The following CROCC2 variants were observed in gnomAD, a reference collection of about 807,000 sequenced individuals.
CROCC2 encodes ciliary rootlet coiled-coil, rootletin family member 2.
CROCC2 carries 163 observed loss-of-function variants against 177.6 expected under a neutral mutation model. The ratio of observed to expected loss-of-function variants is 0.92; its 90% confidence interval spans 0.81 to 1.05. CROCC2 has a LOEUF of 1.05. Ranked by LOEUF, CROCC2 falls within the 50% of genes least tolerant of loss-of-function variation. The pLI is 0.00. For missense variants in CROCC2, 1,929 were observed against 1,797.8 expected, an observed-to-expected ratio of 1.07 and a Z score of -1.32; for synonymous variants, 904 against 787.3, an observed-to-expected ratio of 1.15 and a Z score of -2.48.
Position 240,934,954 on chromosome 2 carries a change from G to A in CROCC2, c.1830G>A (p.Arg610=). 6.6e-7 allele frequency: 1 copy of A among 1,519,738 alleles called. No homozygotes were observed. Among genetic ancestry groups the A allele is most frequent in the East Asian group, 2.6e-5 (1 of 38,476 alleles). The allele number at this position is 1,519,738 out of a possible 1,614,324, so 94.1% of individuals were successfully genotyped here. A position where few individuals can be genotyped will look rare whatever the true frequency, so the allele number is the denominator to read the frequency against. Residue 610 remains arginine (R), a synonymous_variant, in exon 13 of 32, where the codon AGG becomes AGA. Coordinates refer to ENST00000690015, the MANE Select transcript of CROCC2 (RefSeq NM_001351305.2). ...ATGCGGACCTGGAGCTTCTTGTGAG[G>A]CGGCTGAAGTCGGAGGGAGTGGAGC... The part of the protein sequence containing the change: ...CSNADLELLV[R]RLKSEGVEQR...
chr2:240,975,674 C>T (rs1291017318), intron 27 of CROCC2, among the ~76,000 whole-genome samples: 2 of 149,656 alleles, frequency 1.3e-5, no homozygotes, highest in African/African-American at 2.5e-5. Context: ...TCATTTGTAA[C>T]AGCTTCCCTG....
intron 20 of CROCC2, among the ~76,000 whole-genome samples, chr2:240,959,970 T>C: frequency 6.6e-6 from 1 of 152,174 alleles, no homozygotes; most frequent in Non-Finnish European, 1.5e-5. Context: ...AGGGCCAGCA[T>C]GTGAAAGGGT....
At chr2:240,925,022 C>CT (rs2059386842) in intron 4 of CROCC2, among the ~76,000 whole-genome samples, 1 of 136,126 alleles carries the variant, frequency 7.3e-6, no homozygotes, top group Admixed American at 8.0e-5. Flanking sequence ...ACCCAGCCCC[C>CT]ACATTAACCC....
chr2:240,939,312 AT>A (rs1392319538), intron 14 of CROCC2, among the ~76,000 whole-genome samples: 1 of 152,094 alleles, frequency 6.6e-6, no homozygotes, highest in East Asian at 1.9e-4. Flanking sequence ...ACACTGATTA[AT>A]TTTTTAGATG....
rs547225878 is a variant in CROCC2 at position 240,965,988 on chromosome 2, C to T, written c.3956C>T (p.Thr1319Ile). 25 of 1,367,630 alleles carry T rather than the reference C, an allele frequency of 1.8e-5. No homozygotes were observed. The highest frequency in any genetic ancestry group is 5.7e-5 in the East Asian group (2 of 35,336). 84.7% of individuals were successfully genotyped at this position (1,367,630 alleles called of 1,614,324 possible). Reference sequence around the variant, plus strand: ...TCCCCGGAGCAGCCTGGTTCCCCCACCAAAGGTCAGAGTCCTCAGTGGAGG... The same window carrying T: ...TCCCCGGAGCAGCCTGGTTCCCCCATCAAAGGTCAGAGTCCTCAGTGGAGG... ...WASPEQPGSPTKGSDSSQALP... is the reference protein window; with the variant it reads ...WASPEQPGSPIKGSDSSQALP... The change falls in exon 24 of 32, where the codon ACC becomes ATC. Residue 1319 changes from threonine to isoleucine, a missense_variant. Physicochemically the swap from Thr to Ile is moderately conservative, Grantham distance 89 (BLOSUM62 -1). Around this residue, in one of 3 missense-constraint regions of CROCC2, gnomAD observed 388 missense variants for 352.7 expected, o/e 1.10. Coordinates refer to ENST00000690015, the MANE Select transcript of CROCC2 (RefSeq NM_001351305.2).
At chr2:240,932,574 T>A in intron 8 of CROCC2, 128 bp from the exon 9 acceptor site, 3 of 689,912 alleles carry the variant, frequency 4.3e-6, no homozygotes, top group Non-Finnish European at 8.1e-6. Context: ...GTGTGGCCCC[T>A]CGCCTGTCCT....
At chr2:240,936,517 T>C (rs920225656) in intron 14 of CROCC2, among the ~76,000 whole-genome samples, 5 of 152,240 alleles carry the variant, frequency 3.3e-5, no homozygotes, top group Non-Finnish European at 7.3e-5. Context: ...AGTGTATCAC[T>C]AAGCCCTTTC....
chr2:240,990,084 T>C (rs2059867751), intron 30 of CROCC2, among the ~76,000 whole-genome samples: 2 of 152,212 alleles, frequency 1.3e-5, no homozygotes, highest in South Asian at 4.1e-4. Context: ...TGAGCCTCCA[T>C]TGCCCTGTCT....
rs902654746 is a variant in CROCC2, at chr2:240,968,245, G to C, written c.4384G>C (p.Glu1462Gln). The C allele has an allele frequency of 1.3e-6, 2 of 1,531,206 alleles. No individual in the cohort carries two copies. Among genetic ancestry groups the C allele is most frequent in the Non-Finnish European group, 1.7e-6 (2 of 1,144,580 alleles). The allele number at this position is 1,531,206 out of a possible 1,614,324, so 94.9% of individuals were successfully genotyped here. A position where few individuals can be genotyped will look rare whatever the true frequency, so the allele number is the denominator to read the frequency against. The change falls in exon 27 of 32, where the codon GAG (glutamate) becomes CAG (glutamine). Residue 1462 changes from glutamate (E) to glutamine (Q), a missense_variant. Glu to Gln is a conservative substitution (Grantham distance 29). Transcript: ENST00000690015. ...HLASVRAAGQ[E>Q]KRRLQEQLET... is the part of the protein sequence containing the mutation. ...GGCGAGCGTGCGTGCGGCAGGCCAG[G>C]AGAAGCGGCGGCTGCAGGTGGGGCA...
At chr2:240,913,287 C>G (rs1488774292) in intron 1 of CROCC2, among the ~76,000 whole-genome samples, 1 of 152,096 alleles carries the variant, frequency 6.6e-6, no homozygotes, top group African/African-American at 2.4e-5. Flanking sequence ...CAGCTCCCTC[C>G]ACATGGACAC....
At position 240,985,757 on chromosome 2, in the gene CROCC2, C is replaced by CCA. The variant is rs1200790263; in HGVS notation, c.4551+2736_4551+2737dup. 1.2e-4 allele frequency: 35 copies of CCA among 299,384 alleles called. 1 individual carries two copies. Among genetic ancestry groups the CCA allele is most frequent in the Non-Finnish European group, 1.4e-4 (22 of 153,172 alleles). 18.5% of individuals were successfully genotyped at this position (299,384 alleles called of 1,614,324 possible). A position where few individuals can be genotyped will look rare whatever the true frequency, so the allele number is the denominator to read the frequency against. On this transcript the variant is annotated intron_variant, in intron 28 of 31. Transcript: ENST00000690015. ...CCACACACACACCCAGGCACTCACT[C>CCA]CACACACACCCAGGCACTCAGCACA... is the stretch of plus-strand genomic sequence containing the variant.
chr2:240,971,366 C>G (rs769168230), intron 27 of CROCC2, among the ~76,000 whole-genome samples: 1 of 152,216 alleles, frequency 6.6e-6, no homozygotes, highest in African/African-American at 2.4e-5. Context: ...CAACATGTTA[C>G]CAGCTTTGGT....
chr2:240,934,930 T>A lies in CROCC2; in HGVS notation c.1806T>A (p.Asn602Lys), dbSNP rs1165926890. Residue 602 changes from asparagine to lysine, a missense_variant, in exon 13 of 32, where the codon AAT (asparagine) becomes AAA (lysine). Asn to Lys is a moderately conservative substitution (Grantham distance 94). Around this residue, in one of 3 missense-constraint regions of CROCC2, gnomAD observed 1,397 missense variants for 1,239.9 expected, o/e 1.13. Coordinates refer to ENST00000690015, the MANE Select transcript of CROCC2 (RefSeq NM_001351305.2). ...CCCTGCCCCAGGCCGAGTGCAGCAATGCGGACCTGGAGCTTCTTGTGAGGC... is the reference window on the plus strand; with the variant it reads ...CCCTGCCCCAGGCCGAGTGCAGCAAAGCGGACCTGGAGCTTCTTGTGAGGC... ...RSALARAECSNADLELLVRRL... is the reference protein window; with the variant it reads ...RSALARAECSKADLELLVRRL... 1.3e-6 allele frequency: 2 copies of A among 1,520,240 alleles called. No homozygotes were observed. Among genetic ancestry groups the A allele is most frequent in the Admixed American group, 4.3e-5 (2 of 46,580 alleles). 94.2% of individuals were successfully genotyped at this position (1,520,240 alleles called of 1,614,324 possible).
In CROCC2 at chr2:240,992,265, G is replaced by A. The variant is rs565319496; in HGVS notation, c.4947-801G>A. On this transcript the variant is annotated intron_variant, in intron 31 of 31. Coordinates refer to ENST00000690015, the MANE Select transcript of CROCC2 (RefSeq NM_001351305.2). The stretch of plus-strand genomic sequence containing the variant: ...TATCTGTGGGGCACCAGCCAGCCCA[G>A]TGAATCCCTGCATGTGCCACAGGGG... Among the ~76,000 whole-genome samples, 4 of 152,308 alleles carry A rather than the reference G, an allele frequency of 2.6e-5. No homozygotes were observed. In the East Asian group the frequency reaches 5.8e-4, roughly 22 times the overall value.
intron 4 of CROCC2, 49 bp downstream of exon 4, chr2:240,922,694 C>T: frequency 1.9e-6 from 1 of 525,770 alleles, no homozygotes; most frequent in Non-Finnish European, 3.4e-6. Context: ...ACAGCCATCC[C>T]CCCGAGAGGC....
At chr2:240,934,863 G>A (rs1016394081) in intron 12 of CROCC2, 53 bp from the exon 13 acceptor site, 10 of 1,442,070 alleles carry the variant, frequency 6.9e-6, no homozygotes, top group Non-Finnish European at 9.1e-6. Context: ...AGCGGCAACA[G>A]CCCTGCCCTG....
intron 1 of CROCC2, among the ~76,000 whole-genome samples, chr2:240,912,026 G>A (rs1425601830): frequency 3.3e-5 from 5 of 152,172 alleles, no homozygotes; most frequent in African/African-American, 4.8e-5. Flanking sequence ...TGGCTGGGTC[G>A]CGCGGAGAGT....
intron 18 of CROCC2, among the ~76,000 whole-genome samples, chr2:240,951,108 C>A (rs977063316): frequency 2.0e-5 from 3 of 151,966 alleles, no homozygotes; most frequent in Non-Finnish European, 4.4e-5. Flanking sequence ...TCCACCTGTT[C>A]ATCCATCCAT....
chr2:240,934,489 C>T lies in CROCC2; in HGVS notation c.1791+14C>T, dbSNP rs2106462448. On this transcript the variant is annotated intron_variant, in intron 12 of 31. Coordinates refer to ENST00000690015, the MANE Select transcript of CROCC2 (RefSeq NM_001351305.2). ...GCCCTGGCGCGGGTACACTCTGCTC[C>T]CCACAACCCCGCCCCCTCTCCTGTC... is the stretch of plus-strand genomic sequence containing the variant. The T allele has an allele frequency of 1.3e-6, 2 of 1,545,240 alleles. No individual in the cohort carries two copies. Among genetic ancestry groups the T allele is most frequent in the South Asian group, 2.4e-5 (2 of 83,460 alleles).
Sources: gnomAD v4.1 joint callset for allele counts (sites outside exome capture counted in the v4.1 genomes callset) on GRCh38, gnomAD v4.1.1 for gene constraint, gnomAD v4.1.1 regional missense constraint, MANE v1.5 for transcripts, NCBI Gene and HGNC (gene_info 2026-07-23, HGNC 2026-07-21) for gene names.